NAALADL2: variants seen among roughly 807,000 people sequenced by gnomAD.
NAALADL2 encodes inactive N-acetylated-alpha-linked acidic dipeptidase-like protein 2.
In NAALADL2, 76 loss-of-function variants were observed where a neutral mutation model predicts 87.2. The ratio of observed to expected loss-of-function variants is 0.87; its 90% CI spans 0.72 to 1.05. The LOEUF is 1.05. NAALADL2 is among the 50% of genes least tolerant of loss of function. NAALADL2 has a pLI of 0.00. For synonymous variants in NAALADL2, 354 were observed against 331.0 expected (o/e 1.07, Z -0.75); for missense variants, 1,089 against 945.8 (o/e 1.15, Z -1.99).
chr3:174,611,361 C>T (rs186010604), intron 2 of NAALADL2, among the ~76,000 whole-genome samples: 310 of 152,134 alleles, frequency 2.0e-3, no homozygotes, highest in African/African-American at 7.2e-3. Context: ...CTAATACACA[C>T]TCTACAACTT....
At chr3:175,187,871 A>G (rs1226535128) in intron 2 of NAALADL2, among the ~76,000 whole-genome samples, 2 of 152,188 alleles carry the variant, frequency 1.3e-5, no homozygotes, top group Non-Finnish European at 2.9e-5. Flanking sequence ...AGGAGCAAAT[A>G]AACACATTAT....
intron 2 of NAALADL2, among the ~76,000 whole-genome samples, chr3:174,679,686 T>G (rs1297483157): frequency 6.6e-6 from 1 of 152,190 alleles, no homozygotes; most frequent in Non-Finnish European, 1.5e-5. Flanking sequence ...AAATAAATTG[T>G]GTTTACTTCA....
At chr3:175,293,786 C>A (rs1431907811) in intron 4 of NAALADL2, among the ~76,000 whole-genome samples, 1 of 152,162 alleles carries the variant, frequency 6.6e-6, no homozygotes, top group Non-Finnish European at 1.5e-5. Context: ...GTTTCCCAGG[C>A]TCTGGAAATA....
chr3:174,572,105 C>A (rs1313045397), intron 2 of NAALADL2, among the ~76,000 whole-genome samples: 1 of 152,000 alleles, frequency 6.6e-6, no homozygotes, highest in African/African-American at 2.4e-5. Context: ...TCTTCCTTTT[C>A]CTCTTTCTCT....
intron 4 of NAALADL2, among the ~76,000 whole-genome samples, chr3:175,259,177 A>G (rs949048244): frequency 2.0e-5 from 3 of 152,178 alleles, no homozygotes; most frequent in African/African-American, 4.8e-5. Flanking sequence ...CATAAGAAAA[A>G]TCCTACCCAC....
intron 9 of NAALADL2, among the ~76,000 whole-genome samples, chr3:175,552,482 T>C (rs1714577814): frequency 6.6e-6 from 1 of 152,184 alleles, no homozygotes; most frequent in Non-Finnish European, 1.5e-5. Context: ...GAACATCCAG[T>C]TTATGTTGAA....
At chr3:174,799,915 T>C (rs1009355110) in intron 3 of NAALADL2, among the ~76,000 whole-genome samples, 9 of 152,192 alleles carry the variant, frequency 5.9e-5, no homozygotes, top group African/African-American at 1.9e-4. Flanking sequence ...ACTCTTGTTA[T>C]GTTTCAGCAA....
intron 1 of NAALADL2, among the ~76,000 whole-genome samples, chr3:174,872,593 A>T (rs1425144316): frequency 6.6e-6 from 1 of 152,216 alleles, no homozygotes; most frequent in African/African-American, 2.4e-5. Flanking sequence ...ATGATTATGT[A>T]GCAGGTATAG....
At chr3:175,528,599 A>G (rs1303210110) in intron 9 of NAALADL2, among the ~76,000 whole-genome samples, 1 of 152,188 alleles carries the variant, frequency 6.6e-6, no homozygotes, top group Admixed American at 6.5e-5. Context: ...GTCAACTTGA[A>G]CCCATAAACA....
At chr3:174,753,294 T>C (rs1412844359) in intron 3 of NAALADL2, among the ~76,000 whole-genome samples, 1 of 152,222 alleles carries the variant, frequency 6.6e-6, no homozygotes. Context: ...CTGGCTGGTC[T>C]CAATCCTCTG....
chr3:175,390,658 AGT>A (rs1476932664), intron 5 of NAALADL2, among the ~76,000 whole-genome samples: 2 of 152,124 alleles, frequency 1.3e-5, no homozygotes, highest in African/African-American at 4.8e-5. Flanking sequence ...GGGTGGTAAG[AGT>A]GGTCTCCAAG....
chr3:175,160,813 T>C (rs1484065887), intron 2 of NAALADL2, among the ~76,000 whole-genome samples: 3 of 152,176 alleles, frequency 2.0e-5, no homozygotes, highest in Non-Finnish European at 4.4e-5. Flanking sequence ...GATATCAAAT[T>C]TTTTGAAAAA....
rs914377021 is a variant in NAALADL2, at chr3:175,544,930, C to T, written c.1654-31111C>T. 1.1e-4 allele frequency among the ~76,000 whole-genome samples: 16 copies of T among 152,204 alleles called. 1 individual carries two copies. The highest frequency in any genetic ancestry group is 7.9e-4 in the Admixed American group (12 of 15,278). On this transcript the variant is annotated intron_variant, in intron 9 of 13. Transcript: ENST00000454872. ...AAATCATCTCCGGCAAGCCTTCTTTCCAATGAAATTAATACCCAAGGACAA... is the reference window on the plus strand; with the variant it reads ...AAATCATCTCCGGCAAGCCTTCTTTTCAATGAAATTAATACCCAAGGACAA...
At chr3:174,712,607 C>G (rs1054103387) in intron 2 of NAALADL2, among the ~76,000 whole-genome samples, 10 of 151,718 alleles carry the variant, frequency 6.6e-5, no homozygotes, top group Non-Finnish European at 1.2e-4. Context: ...AGGATGGTCT[C>G]GATCTCCTGA....
At chr3:174,858,110 TA>T (rs59935231), upstream of NAALADL2, among the ~76,000 whole-genome samples, 3 of 147,996 alleles carry the variant, frequency 2.0e-5, no homozygotes, top group Non-Finnish European at 4.5e-5. Context: ...TGCAGACTAA[TA>T]AAAATGTTTT....
At chr3:175,298,795 A>G (rs1351492111) in intron 4 of NAALADL2, among the ~76,000 whole-genome samples, 3 of 152,134 alleles carry the variant, frequency 2.0e-5, no homozygotes, top group Admixed American at 1.3e-4. Context: ...GGCTTATAAG[A>G]ACTTTCATGT....
At chr3:175,100,154 C>G (rs1285802991) in intron 2 of NAALADL2, among the ~76,000 whole-genome samples, 4 of 151,974 alleles carry the variant, frequency 2.6e-5, no homozygotes. Flanking sequence ...TAAAGTATCA[C>G]TACTGATGCT....
chr3:175,657,252 C>T (rs1731597883), intron 11 of NAALADL2, among the ~76,000 whole-genome samples: 1 of 152,012 alleles, frequency 6.6e-6, no homozygotes, highest in African/African-American at 2.4e-5. Context: ...ATTAATATAA[C>T]TATTTAAGTG....
At chr3:175,789,227 G>A (rs1015060173) in intron 13 of NAALADL2, among the ~76,000 whole-genome samples, 1 of 152,040 alleles carries the variant, frequency 6.6e-6, no homozygotes, top group African/African-American at 2.4e-5. Context: ...TGATGAATGA[G>A]CTCTCAAGGT....
Sources: allele counts gnomAD v4.1 joint callset (sites outside exome capture counted in the v4.1 genomes callset), GRCh38; gene constraint gnomAD v4.1.1; transcripts MANE v1.5; gene names NCBI Gene and HGNC (gene_info 2026-07-23, HGNC 2026-07-21).